Variants in CDH2 observed in about 807,000 individuals in gnomAD.
The protein encoded by CDH2 is cadherin-2.
Under a neutral mutation model 92.0 loss-of-function variants are expected in CDH2, and 17 were observed. That is an observed-to-expected ratio of 0.18 (90% CI 0.13 to 0.28). CDH2 has a LOEUF of 0.28. Among genes scored for constraint, CDH2 ranks in the 10% least tolerant of loss-of-function variants. The pLI is 1.00. For synonymous variants in CDH2, 419 were observed against 415.9 expected, an observed-to-expected ratio of 1.01 and a Z score of -0.09; for missense variants, 862 against 1,133.1, an observed-to-expected ratio of 0.76 and a Z score of 3.44.
intron 2 of CDH2, among the ~76,000 whole-genome samples, chr18:28,015,336 A>T (rs1176167730): frequency 1.3e-5 from 2 of 152,214 alleles, no homozygotes; most frequent in Non-Finnish European, 2.9e-5. Context: ...AGTGAAAATA[A>T]AAGTATATCT....
intron 2 of CDH2, among the ~76,000 whole-genome samples, chr18:28,115,779 T>C (rs2144262314): frequency 6.6e-6 from 1 of 152,244 alleles, no homozygotes. Flanking sequence ...ACAGAACACG[T>C]GGAATATCCG....
chr18:28,110,552 T>C (rs2015394350), intron 2 of CDH2, among the ~76,000 whole-genome samples: 1 of 152,138 alleles, frequency 6.6e-6, no homozygotes, highest in Non-Finnish European at 1.5e-5. Flanking sequence ...AACGACTCTG[T>C]TCTGCAAGCT....
chr18:27,990,057 ATAAG>A, intron 10 of CDH2, 36 bp downstream of exon 10: 2 of 1,588,704 alleles, frequency 1.3e-6, no homozygotes, highest in Non-Finnish European at 1.7e-6. Flanking sequence ...AGCATAGAAC[ATAAG>A]TAAGCTACAA....
In CDH2 at chr18:28,161,152, C is replaced by T. The variant is rs554733776; in HGVS notation, c.61-13368G>A. Among the ~76,000 whole-genome samples, 17 of 152,326 alleles carry T rather than the reference C, an allele frequency of 1.1e-4. No homozygotes were observed. In the East Asian group the frequency reaches 2.9e-3, roughly 26 times the overall value. On this transcript the variant is annotated intron_variant, in intron 1 of 15. Coordinates refer to ENST00000269141, the MANE Select transcript of CDH2 (RefSeq NM_001792.5). ...CCATCCCTCACATACCACAAGCTCT[C>T]TACTGTGTTCTTTGGAACACTGAGA...
At chr18:27,986,982 G>A (rs1021444997) in intron 11 of CDH2, among the ~76,000 whole-genome samples, 3 of 152,162 alleles carry the variant, frequency 2.0e-5, no homozygotes, top group Admixed American at 1.3e-4. Flanking sequence ...AACAGAGCTG[G>A]GGCTCCAAGT....
chr18:28,006,463 A>T (rs1341598863), intron 5 of CDH2, among the ~76,000 whole-genome samples: 1 of 152,108 alleles, frequency 6.6e-6, no homozygotes, highest in Non-Finnish European at 1.5e-5. Context: ...CACGCCTGTA[A>T]TCCCAGCACA....
chr18:28,028,893 A>T (rs1412764657), intron 2 of CDH2, among the ~76,000 whole-genome samples: 1 of 152,162 alleles, frequency 6.6e-6, no homozygotes, highest in African/African-American at 2.4e-5. Context: ...GGCAATGAAG[A>T]TATTCAAAGC....
intron 2 of CDH2, among the ~76,000 whole-genome samples, chr18:28,030,502 C>T (rs1333796849): frequency 6.6e-6 from 1 of 151,870 alleles, no homozygotes; most frequent in Non-Finnish European, 1.5e-5. Flanking sequence ...AACAAACAAA[C>T]AACAACAACA....
intron 14 of CDH2, among the ~76,000 whole-genome samples, chr18:27,971,417 G>A (rs1489168099): frequency 9.4e-5 from 14 of 148,332 alleles, no homozygotes. Context: ...ACGAAATATA[G>A]AAAATTTGTA....
chr18:27,992,847 G>A lies in CDH2; in HGVS notation c.1159-7C>T. On this transcript the variant is annotated splice_region_variant and splice_polypyrimidine_tract_variant and intron_variant, in intron 8 of 15. Transcript: ENST00000269141. ...CAGGAACTTCACCATAAAACTGCGA[G>A]AAAGACAAACCTCAGTCAGAGGAGG... is the stretch of plus-strand genomic sequence containing the variant. 1 of 1,610,516 alleles carries A rather than the reference G, an allele frequency of 6.2e-7. No homozygotes were observed. Among genetic ancestry groups the A allele is most frequent in the Non-Finnish European group, 8.5e-7 (1 of 1,177,550 alleles).
intron 2 of CDH2, among the ~76,000 whole-genome samples, chr18:28,026,149 A>C (rs2013548066): frequency 6.6e-6 from 1 of 152,200 alleles, no homozygotes; most frequent in African/African-American, 2.4e-5. Flanking sequence ...GTCTTCAGCC[A>C]TGCTTTGTTT....
At chr18:28,093,626 A>C (rs531847935) in intron 2 of CDH2, among the ~76,000 whole-genome samples, 2 of 152,302 alleles carry the variant, frequency 1.3e-5, no homozygotes, top group East Asian at 3.9e-4. Flanking sequence ...ACCAACAAAA[A>C]ATTTAGCTAT....
intron 2 of CDH2, among the ~76,000 whole-genome samples, chr18:28,112,530 C>T (rs1599109653): frequency 1.3e-5 from 2 of 152,254 alleles, no homozygotes; most frequent in East Asian, 1.9e-4. Context: ...ACTTCAAACG[C>T]ACTTAAAATA....
intron 2 of CDH2, among the ~76,000 whole-genome samples, chr18:28,055,537 AATG>A (rs1355604788): frequency 6.6e-6 from 1 of 152,186 alleles, no homozygotes; most frequent in Non-Finnish European, 1.5e-5. Context: ...GAAAAATCTT[AATG>A]ATATTTCTAG....
At chr18:28,070,350 G>C (rs2014592352) in intron 2 of CDH2, among the ~76,000 whole-genome samples, 1 of 152,120 alleles carries the variant, frequency 6.6e-6, no homozygotes, top group Non-Finnish European at 1.5e-5. Flanking sequence ...CTATGAGATA[G>C]GTATAATTAT....
At chr18:28,098,171 C>T (rs542291643) in intron 2 of CDH2, among the ~76,000 whole-genome samples, 4 of 152,006 alleles carry the variant, frequency 2.6e-5, no homozygotes, top group Non-Finnish European at 2.9e-5. Context: ...ACTAATAGCA[C>T]ATCTGTATGC....
chr18:28,076,191 A>G (rs1026102595), intron 2 of CDH2, among the ~76,000 whole-genome samples: 8 of 152,170 alleles, frequency 5.3e-5, no homozygotes, highest in African/African-American at 1.9e-4. Context: ...GGTAGATGTC[A>G]CTTTCAAGTT....
At chr18:28,167,776 A>G (rs1334336915) in intron 1 of CDH2, among the ~76,000 whole-genome samples, 1 of 152,170 alleles carries the variant, frequency 6.6e-6, no homozygotes, top group East Asian at 1.9e-4. Flanking sequence ...TGTGTATTAT[A>G]TGTACATAAT....
At chr18:28,114,876 C>T (rs1326532204) in intron 2 of CDH2, among the ~76,000 whole-genome samples, 1 of 151,610 alleles carries the variant, frequency 6.6e-6, no homozygotes, top group Non-Finnish European at 1.5e-5. Flanking sequence ...AAATTGTAGG[C>T]TGCCTACAGA....
Sources: gnomAD v4.1 joint callset for allele counts (sites outside exome capture counted in the v4.1 genomes callset) on GRCh38, gnomAD v4.1.1 for gene constraint, MANE v1.5 for transcripts, NCBI Gene and HGNC (gene_info 2026-07-23, HGNC 2026-07-21) for gene names.